The following POTEC variants were observed in gnomAD, a reference collection of about 807,000 sequenced individuals.
The protein encoded by POTEC is POTE ankyrin domain family member C.
Under a neutral mutation model 62.0 loss-of-function variants are expected in POTEC, and 35 were observed. That is an observed-to-expected ratio of 0.56 (90% CI 0.43 to 0.75). The LOEUF (loss-of-function observed/expected upper bound fraction) is 0.75, where lower values mean the gene tolerates loss of function less well. POTEC is among the 30% of genes least tolerant of loss of function. The probability of loss-of-function intolerance (pLI) is 0.00; values close to 1 mark genes in which losing one functional copy is unlikely to be tolerated. For synonymous variants in POTEC, 156 were observed against 221.5 expected (o/e 0.70, Z 2.62); for missense variants, 472 against 655.9 (o/e 0.72, Z 3.06).
chr18:14,515,665 TAAATA>T (rs1910128889), intron 9 of POTEC, among the ~76,000 whole-genome samples: 1 of 150,746 alleles, frequency 6.6e-6, no homozygotes, highest in African/African-American at 2.4e-5. Flanking sequence ...AATAAATAAA[TAAATA>T]AATAAATACC....
At chr18:14,541,303 A>T (rs1905924178) in intron 1 of POTEC, among the ~76,000 whole-genome samples, 1 of 152,232 alleles carries the variant, frequency 6.6e-6, no homozygotes, top group African/African-American at 2.4e-5. Context: ...ACTGGTAGAC[A>T]TGCAAAAAAG....
chr18:14,527,938 C>T (rs1910479789), intron 6 of POTEC: 1 of 152,220 alleles, frequency 6.6e-6, no homozygotes, highest in African/African-American at 2.4e-5. Context: ...CCTTTGTCTC[C>T]TGGTTTCTTT....
At chr18:14,520,935 A>G (rs1210831851) in intron 9 of POTEC, among the ~76,000 whole-genome samples, 1 of 152,118 alleles carries the variant, frequency 6.6e-6, no homozygotes, top group Non-Finnish European at 1.5e-5. Flanking sequence ...TGATCACACA[A>G]TTGCACTCCA....
rs1486320848 is a variant in POTEC, at chr18:14,508,998, C to T, written c.*2900G>A. ...TTGTTTTTGGAGGATTTTAAGGGGC[C>T]AACATGCAGCTCCCAATTCTTGGAC... On this transcript the variant is annotated 3_prime_UTR_variant, in exon 11 of 11. Transcript: ENST00000358970. 6.6e-6 allele frequency: 1 copy of T among 152,174 alleles called. No homozygotes were observed. Among genetic ancestry groups the T allele is most frequent in the African/African-American group, 2.4e-5 (1 of 41,428 alleles). The allele number at this position is 152,174 out of a possible 1,614,324, so 9.4% of individuals were successfully genotyped here.
chr18:14,508,070 T>A lies in POTEC; in HGVS notation c.*3828A>T, dbSNP rs1222997807. The A allele has an allele frequency of 6.6e-6, 1 of 152,208 alleles. No homozygotes were observed. The highest frequency in any genetic ancestry group is 2.4e-5 in the African/African-American group (1 of 41,446). 9.4% of individuals were successfully genotyped at this position (152,208 alleles called of 1,614,324 possible). A position where few individuals can be genotyped will look rare whatever the true frequency, so the allele number is the denominator to read the frequency against. ...GGGATGATCTTCTCATGGCATATCT[T>A]ACTGAGGTTCTCTGGATTTCCTGAA... On this transcript the variant is annotated 3_prime_UTR_variant, in exon 11 of 11. Coordinates refer to ENST00000358970, the MANE Select transcript of POTEC (RefSeq NM_001137671.2).
At chr18:14,537,210 CAAA>C (rs869231004) in intron 3 of POTEC, among the ~76,000 whole-genome samples, 16 of 65,514 alleles carry the variant, frequency 2.4e-4, no homozygotes, top group African/African-American at 1.2e-3. Context: ...CACACACACA[CAAA>C]AAAAAAAAAA....
intron 9 of POTEC, among the ~76,000 whole-genome samples, chr18:14,516,381 T>C (rs1370600993): frequency 5.7e-5 from 6 of 106,038 alleles, no homozygotes; most frequent in South Asian, 6.9e-4. Flanking sequence ...GAGGCTTAAT[T>C]GATTCACAGT....
At position 14,510,105 on chromosome 18, in the gene POTEC, G is replaced by C. The variant is rs1598474725; in HGVS notation, c.*1793C>G. The C allele has an allele frequency of 1.3e-5, 2 of 151,152 alleles. No homozygotes were observed. Among genetic ancestry groups the C allele is most frequent in the East Asian group, 4.0e-4 (2 of 4,944 alleles). 9.4% of individuals were successfully genotyped at this position (151,152 alleles called of 1,614,324 possible). On this transcript the variant is annotated 3_prime_UTR_variant, in exon 11 of 11. Coordinates refer to ENST00000358970, the MANE Select transcript of POTEC (RefSeq NM_001137671.2). ...GGGGCTCCACCCCAGAGAGGTGTAA[G>C]TTAGCAGTTACTTAATGTAATCACC...
At position 14,511,954 on chromosome 18, in the gene POTEC, C is replaced by T. The variant is rs764346159; in HGVS notation, c.1573G>A (p.Glu525Lys). Reference protein sequence around the residue: ...SHKKEEDLLRENSMLQEEIAM... With the variant: ...SHKKEEDLLRKNSMLQEEIAM... ...ATTTCTTCCTGCAACATGCTGTTTTCACGCAAGAGATCTTCTTCTTTCTTA... is the reference window on the plus strand; with the variant it reads ...ATTTCTTCCTGCAACATGCTGTTTTTACGCAAGAGATCTTCTTCTTTCTTA... Residue 525 changes from glutamate to lysine, a missense_variant, in exon 11 of 11, where the codon GAA (glutamate) becomes AAA (lysine). Physicochemically the swap from Glu to Lys is moderately conservative, Grantham distance 56. Around this residue, in one of 5 missense-constraint regions of POTEC, gnomAD observed 67 missense variants for 58.3 expected, o/e 1.15. Coordinates refer to ENST00000358970, the MANE Select transcript of POTEC (RefSeq NM_001137671.2). 1 of 1,613,810 alleles carries T rather than the reference C, an allele frequency of 6.2e-7. No homozygotes were observed. The highest frequency in any genetic ancestry group is 1.1e-5 in the South Asian group (1 of 91,074).
In POTEC at chr18:14,507,669, G is replaced by C. The variant is rs1178651088; in HGVS notation, c.*4229C>G. 4 of 152,136 alleles carry C rather than the reference G, an allele frequency of 2.6e-5. No homozygotes were observed. Among genetic ancestry groups the C allele is most frequent in the Non-Finnish European group, 5.9e-5 (4 of 68,046 alleles). 9.4% of individuals were successfully genotyped at this position (152,136 alleles called of 1,614,324 possible). On this transcript the variant is annotated 3_prime_UTR_variant, in exon 11 of 11. Coordinates refer to ENST00000358970, the MANE Select transcript of POTEC (RefSeq NM_001137671.2). ...GACTTATGTATGTGGTTGGTTTTTA[G>C]CATCACTTGTCTGTGTACTTCAGTG... is the stretch of plus-strand genomic sequence containing the variant.
Position 14,535,023 on chromosome 18 carries a change from A to G in POTEC, c.811-16T>C. The G allele has an allele frequency of 6.3e-7, 1 of 1,584,786 alleles. No individual in the cohort carries two copies. Among genetic ancestry groups the G allele is most frequent in the Non-Finnish European group, 8.6e-7 (1 of 1,165,208 alleles). ...TGAGGCCACACTGTAAAACAATATAAAACAAAAACAATATGTAATTCAAAA... is the reference window on the plus strand; with the variant it reads ...TGAGGCCACACTGTAAAACAATATAGAACAAAAACAATATGTAATTCAAAA... On this transcript the variant is annotated splice_polypyrimidine_tract_variant and intron_variant, in intron 3 of 10. Transcript: ENST00000358970.
In POTEC at chr18:14,509,941, G is replaced by A. The variant is rs1196151163; in HGVS notation, c.*1957C>T. 1.4e-5 allele frequency: 2 copies of A among 147,182 alleles called. No individual in the cohort carries two copies. Among genetic ancestry groups the A allele is most frequent in the Non-Finnish European group, 3.0e-5 (2 of 67,012 alleles). 9.1% of individuals were successfully genotyped at this position (147,182 alleles called of 1,614,324 possible). On this transcript the variant is annotated 3_prime_UTR_variant, in exon 11 of 11. Transcript: ENST00000358970. ...TGGGCAATCTTGCACGTGAGATGGG[G>A]CTGGTCTGACCTCAGCACTCCTAAA... is the stretch of plus-strand genomic sequence containing the variant.
intron 10 of POTEC, among the ~76,000 whole-genome samples, chr18:14,513,009 TATA>T (rs1445435288): frequency 1.3e-5 from 2 of 152,252 alleles, no homozygotes; most frequent in African/African-American, 4.8e-5. Context: ...CTTTCCTCTT[TATA>T]ATGTTTGAAA....
At chr18:14,536,759 G>C (rs1309512184) in intron 3 of POTEC, among the ~76,000 whole-genome samples, 3 of 152,132 alleles carry the variant, frequency 2.0e-5, no homozygotes, top group Admixed American at 1.3e-4. Context: ...AAAGAGGAAA[G>C]AGTAGGAGAG....
rs1909967151 is a variant in POTEC at position 14,510,267 on chromosome 18, A to G, written c.*1631T>C. ...ACTGCAGCTTGTTGGAGGTGTCAAT[A>G]TGGCACTTAGGGTCTTTGCTCCCTT... On this transcript the variant is annotated 3_prime_UTR_variant, in exon 11 of 11. Coordinates refer to ENST00000358970, the MANE Select transcript of POTEC (RefSeq NM_001137671.2). 6.6e-6 allele frequency: 1 copy of G among 152,172 alleles called. No individual in the cohort carries two copies. The highest frequency in any genetic ancestry group is 6.5e-5 in the Admixed American group (1 of 15,290). The allele number at this position is 152,172 out of a possible 1,614,324, so 9.4% of individuals were successfully genotyped here.
rs772619120 is a variant in POTEC at position 14,510,199 on chromosome 18, GT to G, written c.*1698del. On this transcript the variant is annotated 3_prime_UTR_variant, in exon 11 of 11. Coordinates refer to ENST00000358970, the MANE Select transcript of POTEC (RefSeq NM_001137671.2). ...TGTCTGGTGATGAGCAGTAAGGGGT[GT>G]GTTGTACCTGTGGAAGATGGACTGA... is the stretch of plus-strand genomic sequence containing the variant. 1.3e-5 allele frequency: 2 copies of G among 152,336 alleles called. No individual in the cohort carries two copies. Among genetic ancestry groups the G allele is most frequent in the Non-Finnish European group, 2.9e-5 (2 of 68,134 alleles). The allele number at this position is 152,336 out of a possible 1,614,324, so 9.4% of individuals were successfully genotyped here.
chr18:14,537,675 T>G, intron 3 of POTEC, 126 bp downstream of exon 3: 2 of 1,102,538 alleles, frequency 1.8e-6, no homozygotes, highest in Non-Finnish European at 2.6e-6. Flanking sequence ...GATAATTAAG[T>G]CATTTCAAAA....
At position 14,508,030 on chromosome 18, in the gene POTEC, T is replaced by C. The variant is rs565785179; in HGVS notation, c.*3868A>G. 2.6e-5 allele frequency: 4 copies of C among 152,188 alleles called. No individual in the cohort carries two copies. The highest frequency in any genetic ancestry group is 9.7e-5 in the African/African-American group (4 of 41,434). The allele number at this position is 152,188 out of a possible 1,614,324, so 9.4% of individuals were successfully genotyped here. On this transcript the variant is annotated 3_prime_UTR_variant, in exon 11 of 11. Transcript: ENST00000358970. The stretch of plus-strand genomic sequence containing the variant: ...TTTATTTTGACCTCAGAGAATCTGA[T>C]GATTATGTGTCTTGGGGATGATCTT...
chr18:14,528,966 C>T (rs71219740), intron 6 of POTEC: 6 of 454,274 alleles, frequency 1.3e-5, no homozygotes, highest in Admixed American at 1.2e-4. Flanking sequence ...AAACAGGCAA[C>T]CTCATTAGAT....
Sources: gnomAD v4.1 joint callset for allele counts (sites outside exome capture counted in the v4.1 genomes callset) on GRCh38, gnomAD v4.1.1 for gene constraint, gnomAD v4.1.1 regional missense constraint, MANE v1.5 for transcripts, NCBI Gene and HGNC (gene_info 2026-07-23, HGNC 2026-07-21) for gene names.